Variants in FAM168A observed in about 807,000 individuals in gnomAD.
FAM168A encodes the protein protein FAM168A.
FAM168A carries 3 observed loss-of-function variants against 28.5 expected under a neutral mutation model. That is an observed-to-expected ratio of 0.11 (90% CI 0.05 to 0.27). The LOEUF (loss-of-function observed/expected upper bound fraction) is 0.27. FAM168A is among the 10% of genes least tolerant of loss of function. The probability of loss-of-function intolerance (pLI) is 1.00; values close to 1 mark genes in which losing one functional copy is unlikely to be tolerated. For missense variants in FAM168A, 222 were observed against 311.5 expected, an observed-to-expected ratio of 0.71 and a Z score of 2.16; for synonymous variants, 122 against 124.2, an observed-to-expected ratio of 0.98 and a Z score of 0.12.
intron 1 of FAM168A, among the ~76,000 whole-genome samples, chr11:73,505,235 A>G (rs1266898495): frequency 1.4e-5 from 2 of 145,908 alleles, no homozygotes; most frequent in Non-Finnish European, 1.5e-5. Flanking sequence ...GGAGTTTTGC[A>G]AAAAGGAAAA....
At chr11:73,548,352 T>G (rs1042666437) in intron 1 of FAM168A, among the ~76,000 whole-genome samples, 5 of 152,166 alleles carry the variant, frequency 3.3e-5, no homozygotes, top group Non-Finnish European at 5.9e-5. Flanking sequence ...GTGCTTACTA[T>G]AAGCAAGCAC....
chr11:73,566,903 G>A (rs1198584257), intron 1 of FAM168A, among the ~76,000 whole-genome samples: 2 of 152,196 alleles, frequency 1.3e-5, no homozygotes, highest in Non-Finnish European at 1.5e-5. Flanking sequence ...AATGTAGGTG[G>A]TAGATTTTTA....
intron 1 of FAM168A, among the ~76,000 whole-genome samples, chr11:73,544,572 T>C (rs932310649): frequency 4.7e-5 from 7 of 149,186 alleles, no homozygotes; most frequent in African/African-American, 1.7e-4. Context: ...GGCATATACA[T>C]ATGATGAAAT....
At chr11:73,521,782 C>T (rs2134651700) in intron 1 of FAM168A, among the ~76,000 whole-genome samples, 1 of 152,246 alleles carries the variant, frequency 6.6e-6, no homozygotes, top group Non-Finnish European at 1.5e-5. Flanking sequence ...GGGCTTGAAG[C>T]TGTTAGTTGG....
At chr11:73,431,403 G>C (rs925297381) in intron 2 of FAM168A, among the ~76,000 whole-genome samples, 3 of 126,214 alleles carry the variant, frequency 2.4e-5, no homozygotes, top group Non-Finnish European at 4.8e-5. Context: ...CACTTTTTAT[G>C]TTCAAGTTTA....
rs560395807 is a variant in FAM168A at position 73,474,529 on chromosome 11, C to T, written c.-18-6037G>A. Among the ~76,000 whole-genome samples the T allele has an allele frequency of 2.0e-5, 3 of 152,250 alleles. No individual in the cohort carries two copies. The South Asian group carries it at 6.2e-4, about 32-fold the overall frequency. On this transcript the variant is annotated intron_variant, in intron 1 of 7. Coordinates refer to ENST00000356467, the MANE Select transcript of FAM168A (RefSeq NM_015159.3). ...CAGACATTAAGCCCACCCCTGAGGA[C>T]AGGGCCCCCAGAACCTAATTGCCTC... is the stretch of plus-strand genomic sequence containing the variant.
At chr11:73,520,340 G>T (rs186178492) in intron 1 of FAM168A, among the ~76,000 whole-genome samples, 42 of 152,046 alleles carry the variant, frequency 2.8e-4, no homozygotes, top group Admixed American at 1.4e-3. Context: ...GAGCCACCGC[G>T]CCTGGCCTAA....
chr11:73,518,802 CAGG>C (rs1361406271), intron 1 of FAM168A, among the ~76,000 whole-genome samples: 2 of 152,244 alleles, frequency 1.3e-5, no homozygotes, highest in East Asian at 3.9e-4. Context: ...GAGGCTGAGG[CAGG>C]AGAATTGCTT....
intron 2 of FAM168A, among the ~76,000 whole-genome samples, chr11:73,436,318 C>A (rs1188297371): frequency 6.6e-6 from 1 of 152,126 alleles, no homozygotes; most frequent in Non-Finnish European, 1.5e-5. Flanking sequence ...TCTGAAAATA[C>A]TTTACCTTTA....
chr11:73,487,402 G>A (rs1829264235), intron 1 of FAM168A, among the ~76,000 whole-genome samples: 1 of 152,086 alleles, frequency 6.6e-6, no homozygotes, highest in South Asian at 2.1e-4. Flanking sequence ...ACCACTTACA[G>A]ACCCTTCTCC....
At position 73,445,461 on chromosome 11, in the gene FAM168A, G is replaced by A. The variant is rs182495463; in HGVS notation, c.71-14691C>T. The stretch of plus-strand genomic sequence containing the variant: ...TTTTTTTTTTTTTTGGTAGAGACAG[G>A]GTCTCAATATGTTACCCAGGCTGGT... On this transcript the variant is annotated intron_variant, in intron 2 of 7. Coordinates refer to ENST00000356467, the MANE Select transcript of FAM168A (RefSeq NM_015159.3). 9.7e-4 allele frequency among the ~76,000 whole-genome samples: 106 copies of A among 108,928 alleles called. 3 individuals carry two copies. In the East Asian group the frequency reaches 0.021, roughly 22 times the overall value. The allele number at this position is 108,928 out of a possible 152,430, so 71.5% of individuals were successfully genotyped here. A position where few individuals can be genotyped will look rare whatever the true frequency, so the allele number is the denominator to read the frequency against.
At chr11:73,528,621 C>G (rs1235709584) in intron 1 of FAM168A, among the ~76,000 whole-genome samples, 1 of 152,152 alleles carries the variant, frequency 6.6e-6, no homozygotes, top group Non-Finnish European at 1.5e-5. Flanking sequence ...CTTGCTTTCA[C>G]TTTGCACTTA....
intron 1 of FAM168A, among the ~76,000 whole-genome samples, chr11:73,554,853 TA>T (rs1319266269): frequency 4.6e-5 from 7 of 151,920 alleles, no homozygotes; most frequent in Admixed American, 3.9e-4. Context: ...GTTCAATGAG[TA>T]AAGAGAGAAA....
intron 1 of FAM168A, among the ~76,000 whole-genome samples, chr11:73,558,214 C>T (rs1015284091): frequency 6.6e-6 from 1 of 152,118 alleles, no homozygotes; most frequent in Non-Finnish European, 1.5e-5. Flanking sequence ...AATGTGACAG[C>T]TTACACCTGC....
chr11:73,470,432 AC>A (rs902311639), intron 1 of FAM168A, among the ~76,000 whole-genome samples: 2 of 152,216 alleles, frequency 1.3e-5, no homozygotes, highest in Non-Finnish European at 2.9e-5. Flanking sequence ...CCCAGAAAGC[AC>A]GTGCTGGAAG....
At chr11:73,434,925 C>T (rs1867062818) in intron 2 of FAM168A, among the ~76,000 whole-genome samples, 1 of 152,134 alleles carries the variant, frequency 6.6e-6, no homozygotes, top group African/African-American at 2.4e-5. Flanking sequence ...ACATACTTTG[C>T]CATACTGTTT....
At chr11:73,445,374 C>G (rs916321011) in intron 2 of FAM168A, among the ~76,000 whole-genome samples, 13 of 148,834 alleles carry the variant, frequency 8.7e-5, no homozygotes, top group African/African-American at 3.2e-4. Flanking sequence ...CTGGCAGAGC[C>G]AGAACTAGAA....
At chr11:73,553,558 C>T (rs1943852965) in intron 1 of FAM168A, among the ~76,000 whole-genome samples, 1 of 152,158 alleles carries the variant, frequency 6.6e-6, no homozygotes, top group African/African-American at 2.4e-5. Flanking sequence ...TAGAGCCACT[C>T]GTCTACTCCT....
At chr11:73,416,373 A>C (rs1324422964) in intron 4 of FAM168A, among the ~76,000 whole-genome samples, 1 of 152,128 alleles carries the variant, frequency 6.6e-6, no homozygotes, top group African/African-American at 2.4e-5. Context: ...TGCCTTTTAG[A>C]CTAATTGGTT....
Sources: gnomAD v4.1 joint callset for allele counts (sites outside exome capture counted in the v4.1 genomes callset) on GRCh38, gnomAD v4.1.1 for gene constraint, MANE v1.5 for transcripts, NCBI Gene and HGNC (gene_info 2026-07-23, HGNC 2026-07-21) for gene names.